The following NT5C2 variants were observed in gnomAD, a reference collection of about 807,000 sequenced individuals.
NT5C2 encodes cytosolic purine 5'-nucleotidase.
Under a neutral mutation model 76.1 loss-of-function variants are expected in NT5C2, and 58 were observed. The ratio of observed to expected loss-of-function variants is 0.76; its 90% CI spans 0.62 to 0.95. The LOEUF is 0.95. NT5C2 is among the 40% of genes least tolerant of loss of function. The probability of loss-of-function intolerance (pLI) is 0.00; values close to 1 mark genes in which losing one functional copy is unlikely to be tolerated. For missense variants in NT5C2, 478 were observed against 690.3 expected (o/e 0.69, Z 3.45); for synonymous variants, 229 against 237.4 (o/e 0.96, Z 0.32).
intron 3 of NT5C2, among the ~76,000 whole-genome samples, chr10:103,168,693 A>C (rs954303667): frequency 1.3e-5 from 2 of 152,242 alleles, no homozygotes; most frequent in African/African-American, 4.8e-5. Context: ...ACAGTCATAC[A>C]TTTTAAAGGC....
intron 2 of NT5C2, among the ~76,000 whole-genome samples, chr10:103,176,528 G>C (rs2089988911): frequency 6.6e-6 from 1 of 152,138 alleles, no homozygotes; most frequent in African/African-American, 2.4e-5. Flanking sequence ...TGCTGTGTCT[G>C]CTGGCACTTG....
intron 4 of NT5C2, among the ~76,000 whole-genome samples, chr10:103,117,560 T>G (rs1028622820): frequency 6.6e-6 from 1 of 152,190 alleles, no homozygotes; most frequent in Non-Finnish European, 1.5e-5. Flanking sequence ...GGTAAGAGGA[T>G]CACTTGAGCC....
intron 2 of NT5C2, among the ~76,000 whole-genome samples, chr10:103,180,661 T>C (rs570165180): frequency 1.1e-4 from 16 of 152,184 alleles, no homozygotes; most frequent in Admixed American, 9.2e-4. Flanking sequence ...GAGGCTACAG[T>C]GAGCCAAGAT....
At chr10:103,102,777 G>C (rs2070130209) in intron 6 of NT5C2, among the ~76,000 whole-genome samples, 1 of 152,044 alleles carries the variant, frequency 6.6e-6, no homozygotes, top group Non-Finnish European at 1.5e-5. Flanking sequence ...TGTGAGAGTA[G>C]TTCTATTTTA....
At position 103,189,528 on chromosome 10, in the gene NT5C2, C is replaced by A. The variant is rs2092436091; in HGVS notation, c.-169+3708G>T. Among the ~76,000 whole-genome samples, 4 of 150,968 alleles carry A rather than the reference C, an allele frequency of 2.6e-5. No individual in the cohort carries two copies. In the South Asian group the frequency reaches 8.4e-4, roughly 32 times the overall value. On this transcript the variant is annotated intron_variant, in intron 1 of 18. Transcript: ENST00000404739. ...GGCTGAGGCAGGAGAATCGCTTGAA[C>A]CCAGGAAGCGGAGGCTGCAGTGAGC...
Position 103,089,609 on chromosome 10 carries a change from G to A in NT5C2, c.*63C>T, listed in dbSNP as rs1016421116. The A allele has an allele frequency of 1.6e-5, 24 of 1,495,142 alleles. No individual in the cohort carries two copies. The highest frequency in any genetic ancestry group is 9.7e-5 in the South Asian group (7 of 71,890). 92.6% of individuals were successfully genotyped at this position (1,495,142 alleles called of 1,614,324 possible). A position where few individuals can be genotyped will look rare whatever the true frequency, so the allele number is the denominator to read the frequency against. ...CGAGTAGAACCCTAACAGGGACCTC[G>A]TTTGTTCCTGTGAGTCCTGCCAGGA... On this transcript the variant is annotated 3_prime_UTR_variant, in exon 19 of 19. Transcript: ENST00000404739.
chr10:103,105,612 T>C (rs538382028), intron 6 of NT5C2, 94 bp downstream of exon 6: 1 of 863,348 alleles, frequency 1.2e-6, no homozygotes, highest in South Asian at 1.8e-5. Context: ...TGATGAAAAG[T>C]AATAGGGAAA....
intron 3 of NT5C2, among the ~76,000 whole-genome samples, chr10:103,165,756 C>T (rs2086229835): frequency 6.7e-6 from 1 of 148,852 alleles, no homozygotes; most frequent in African/African-American, 2.5e-5. Context: ...ACTGTAACCT[C>T]CGCCTCCCAG....
intron 4 of NT5C2, among the ~76,000 whole-genome samples, chr10:103,138,258 C>CT (rs900936100): frequency 2.6e-5 from 4 of 152,164 alleles, no homozygotes; most frequent in Non-Finnish European, 5.9e-5. Flanking sequence ...CAGTACATCT[C>CT]TGAGTTTTTT....
At chr10:103,136,711 G>C (rs758891462) in intron 4 of NT5C2, among the ~76,000 whole-genome samples, 3 of 149,704 alleles carry the variant, frequency 2.0e-5, no homozygotes, top group Non-Finnish European at 3.0e-5. Flanking sequence ...TGCAACCTCT[G>C]CCTCCCCAGT....
At chr10:103,113,689 G>C (rs1383091941) in intron 4 of NT5C2, among the ~76,000 whole-genome samples, 1 of 152,088 alleles carries the variant, frequency 6.6e-6, no homozygotes, top group Non-Finnish European at 1.5e-5. Flanking sequence ...TATACATTTA[G>C]ATATTTATAA....
intron 3 of NT5C2, among the ~76,000 whole-genome samples, chr10:103,172,041 C>T (rs2088201551): frequency 6.6e-6 from 1 of 151,808 alleles, no homozygotes; most frequent in Non-Finnish European, 1.5e-5. Context: ...GAAACCCTGT[C>T]TCTACTAAAA....
chr10:103,189,415 G>A (rs1316754897), intron 1 of NT5C2, among the ~76,000 whole-genome samples: 1 of 151,744 alleles, frequency 6.6e-6, no homozygotes, highest in Non-Finnish European at 1.5e-5. Flanking sequence ...AGACCATCCT[G>A]GCCAACATGG....
At chr10:103,177,931 C>T (rs2090316829) in intron 2 of NT5C2, among the ~76,000 whole-genome samples, 2 of 152,142 alleles carry the variant, frequency 1.3e-5, no homozygotes, top group African/African-American at 4.8e-5. Context: ...CAGTTTCTTC[C>T]CACTATGCCC....
At chr10:103,091,486 C>G in intron 16 of NT5C2, 78 bp downstream of exon 16, 2 of 1,135,188 alleles carry the variant, frequency 1.8e-6, no homozygotes, top group South Asian at 2.6e-5. Flanking sequence ...GCTGGGATTA[C>G]TGGCCTGGAA....
At chr10:103,141,518 A>C (rs900424411) in intron 3 of NT5C2, among the ~76,000 whole-genome samples, 1 of 152,212 alleles carries the variant, frequency 6.6e-6, no homozygotes, top group African/African-American at 2.4e-5. Context: ...CTTATACAGT[A>C]AATGAAATCA....
intron 6 of NT5C2, among the ~76,000 whole-genome samples, chr10:103,103,448 C>T (rs1454976187): frequency 6.6e-6 from 1 of 152,166 alleles, no homozygotes; most frequent in Non-Finnish European, 1.5e-5. Flanking sequence ...ATATACTTCC[C>T]TATTCCCTCC....
At chr10:103,092,591 A>T (rs1314035697) in intron 15 of NT5C2, among the ~76,000 whole-genome samples, 17 of 152,250 alleles carry the variant, frequency 1.1e-4, no homozygotes, top group Admixed American at 2.0e-4. Context: ...GAGAACTTGT[A>T]TATCAAGCAC....
chr10:103,090,674 T>C lies in NT5C2; in HGVS notation c.1386A>G (p.Ala462=), dbSNP rs1175293514. 4 of 1,614,106 alleles carry C rather than the reference T, an allele frequency of 2.5e-6. No homozygotes were observed. The South Asian group carries it at 4.4e-5, about 18-fold the overall frequency. The part of the protein sequence containing the change: ...SQVMRYADLY[A]ASFINLLYYP... ...AATACAGCAGGTTGATGAAAGATGC[T>C]GCATAGAGGTCAGCATAACGCATCA... Residue 462 remains alanine (A), a synonymous_variant, in exon 18 of 19, where the codon GCA becomes GCG. Coordinates refer to ENST00000404739, the MANE Select transcript of NT5C2 (RefSeq NM_001351169.2).
Sources: gnomAD v4.1 joint callset for allele counts (sites outside exome capture counted in the v4.1 genomes callset) on GRCh38, gnomAD v4.1.1 for gene constraint, MANE v1.5 for transcripts, NCBI Gene and HGNC (gene_info 2026-07-23, HGNC 2026-07-21) for gene names.